SUSD6: variants seen among roughly 807,000 people sequenced by gnomAD.
SUSD6 encodes sushi domain-containing protein 6.
Under a neutral mutation model 28.4 loss-of-function variants are expected in SUSD6, and 16 were observed. The observed-to-expected ratio is 0.56, with a 90% CI of 0.38 to 0.86. SUSD6 has a LOEUF of 0.86. Ranked by LOEUF, SUSD6 falls within the 40% of genes least tolerant of loss-of-function variation. The probability of loss-of-function intolerance (pLI) is 0.00; values close to 1 mark genes in which losing one functional copy is unlikely to be tolerated. For synonymous variants in SUSD6, 147 were observed against 159.6 expected (o/e 0.92, Z 0.59); for missense variants, 341 against 384.2 (o/e 0.89, Z 0.94).
chr14:69,633,490 A>G lies in SUSD6; in HGVS notation c.-81+21662A>G, dbSNP rs575004521. On this transcript the variant is annotated intron_variant, in intron 1 of 5. Transcript: ENST00000342745. ...GAATGTTCCCTCTTTACACCCTCATACTTATTCAGCCCTCAAAGCTTTCAG... is the reference window on the plus strand; with the variant it reads ...GAATGTTCCCTCTTTACACCCTCATGCTTATTCAGCCCTCAAAGCTTTCAG... Among the ~76,000 whole-genome samples, 4 of 152,030 alleles carry G rather than the reference A, an allele frequency of 2.6e-5. 1 individual carries two copies. In the South Asian group the frequency reaches 6.2e-4, roughly 24 times the overall value.
At chr14:69,675,668 C>T (rs1223045628) in intron 2 of SUSD6, among the ~76,000 whole-genome samples, 1 of 152,186 alleles carries the variant, frequency 6.6e-6, no homozygotes, top group Admixed American at 6.5e-5. Context: ...TGTACAAACA[C>T]TTGCTTGTAT....
intron 1 of SUSD6, among the ~76,000 whole-genome samples, chr14:69,654,507 C>T (rs1373262284): frequency 6.6e-6 from 1 of 152,114 alleles, no homozygotes; most frequent in African/African-American, 2.4e-5. Context: ...TTGTGCTGAG[C>T]CCCTAAAATG....
At chr14:69,628,114 G>A (rs1885142063) in intron 1 of SUSD6, among the ~76,000 whole-genome samples, 1 of 152,008 alleles carries the variant, frequency 6.6e-6, no homozygotes. Context: ...TGGATTTTTA[G>A]TAGAGACGGG....
chr14:69,666,506 A>T (rs1885743630), intron 2 of SUSD6, among the ~76,000 whole-genome samples: 1 of 152,256 alleles, frequency 6.6e-6, no homozygotes, highest in African/African-American at 2.4e-5. Context: ...ATTTTACATG[A>T]TTCCAAAACA....
At chr14:69,668,204 G>A (rs1885773416) in intron 2 of SUSD6, among the ~76,000 whole-genome samples, 1 of 152,208 alleles carries the variant, frequency 6.6e-6, no homozygotes, top group Non-Finnish European at 1.5e-5. Context: ...AGGTGGTGGG[G>A]CTCTTCTGTG....
chr14:69,651,919 A>G (rs1885510088), intron 1 of SUSD6, among the ~76,000 whole-genome samples: 3 of 152,190 alleles, frequency 2.0e-5, no homozygotes, highest in Admixed American at 6.5e-5. Context: ...AGGACTTGTT[A>G]TCATTACAAC....
chr14:69,669,709 T>G (rs980608916), intron 2 of SUSD6, among the ~76,000 whole-genome samples: 1 of 93,180 alleles, frequency 1.1e-5, no homozygotes, highest in African/African-American at 4.7e-5. Flanking sequence ...ATACTTCTCT[T>G]TATCCTTCAA....
Position 69,659,304 on chromosome 14 carries a change from A to G in SUSD6, c.121+591A>G, listed in dbSNP as rs115871929. On this transcript the variant is annotated intron_variant, in intron 2 of 5. Coordinates refer to ENST00000342745, the MANE Select transcript of SUSD6 (RefSeq NM_014734.4). ...ATAAGACCCGGTCACTGACACTACA[A>G]ATGTTGTGATCTTGGGCAAGCGACT... Among the ~76,000 whole-genome samples, 1,287 of 152,280 alleles carry G rather than the reference A, an allele frequency of 8.5e-3. 13 individuals are homozygous for G. Among genetic ancestry groups the G allele is most frequent in the African/African-American group, 0.029 (1,223 of 41,536 alleles).
chr14:69,639,958 T>TTG (rs1342669961), intron 1 of SUSD6, among the ~76,000 whole-genome samples: 17 of 138,150 alleles, frequency 1.2e-4, no homozygotes, highest in African/African-American at 5.2e-4. Context: ...CCTACACTGT[T>TTG]TTTTTTTTTT....
chr14:69,678,304 A>G (rs578051801), intron 2 of SUSD6, among the ~76,000 whole-genome samples: 3 of 150,188 alleles, frequency 2.0e-5, no homozygotes, highest in East Asian at 3.9e-4. Flanking sequence ...ATAAGTGTAT[A>G]TTACATATTG....
chr14:69,640,318 C>T (rs562971529), intron 1 of SUSD6, among the ~76,000 whole-genome samples: 5 of 151,710 alleles, frequency 3.3e-5, no homozygotes, highest in African/African-American at 1.2e-4. Flanking sequence ...TATATATATA[C>T]ACACACACAT....
intron 1 of SUSD6, among the ~76,000 whole-genome samples, chr14:69,657,258 C>G (rs942660425): frequency 6.6e-6 from 1 of 152,154 alleles, no homozygotes; most frequent in Non-Finnish European, 1.5e-5. Flanking sequence ...AGTTTGAGAC[C>G]AGCCTGGCCA....
At chr14:69,648,690 T>C (rs1193676748) in intron 1 of SUSD6, among the ~76,000 whole-genome samples, 1 of 152,134 alleles carries the variant, frequency 6.6e-6, no homozygotes, top group African/African-American at 2.4e-5. Context: ...AAAGTAAACA[T>C]AACTGCATCA....
At chr14:69,701,931 C>T (rs1886318292) in intron 2 of SUSD6, among the ~76,000 whole-genome samples, 1 of 152,010 alleles carries the variant, frequency 6.6e-6, no homozygotes, top group Admixed American at 6.5e-5. Flanking sequence ...ATTTGGTGTC[C>T]ACTCCCCAAC....
chr14:69,684,243 C>T (rs1017038675), intron 2 of SUSD6, among the ~76,000 whole-genome samples: 2 of 152,174 alleles, frequency 1.3e-5, no homozygotes, highest in East Asian at 1.9e-4. Flanking sequence ...AGTGAAAGTG[C>T]GGTTTCCTGA....
intron 2 of SUSD6, among the ~76,000 whole-genome samples, chr14:69,663,634 A>G (rs1257761405): frequency 6.6e-6 from 1 of 152,180 alleles, no homozygotes; most frequent in East Asian, 1.9e-4. Flanking sequence ...CTCTCAGAAC[A>G]CCCCAGCTAG....
At chr14:69,612,836 A>G (rs1243431000) in intron 1 of SUSD6, among the ~76,000 whole-genome samples, 1 of 152,144 alleles carries the variant, frequency 6.6e-6, no homozygotes, top group Non-Finnish European at 1.5e-5. Flanking sequence ...TTTTTGATCT[A>G]CAGAGATGGG....
intron 2 of SUSD6, among the ~76,000 whole-genome samples, chr14:69,689,186 A>G (rs185329470): frequency 1.3e-5 from 2 of 152,296 alleles, no homozygotes. Context: ...TCTCTTCCCC[A>G]TTGGATTAAT....
chr14:69,684,902 C>T (rs1265475627), intron 2 of SUSD6, among the ~76,000 whole-genome samples: 1 of 152,224 alleles, frequency 6.6e-6, no homozygotes, highest in East Asian at 1.9e-4. Flanking sequence ...TCCCACTTTT[C>T]TTGAAAGCCT....
Sources: gnomAD v4.1 joint callset for allele counts (sites outside exome capture counted in the v4.1 genomes callset) on GRCh38, gnomAD v4.1.1 for gene constraint, MANE v1.5 for transcripts, NCBI Gene and HGNC (gene_info 2026-07-23, HGNC 2026-07-21) for gene names.